The following CDCP2 variants were observed in gnomAD, a reference collection of about 807,000 sequenced individuals.
The protein encoded by CDCP2 is CUB domain containing protein 2.
A neutral mutation model predicts 31.0 loss-of-function variants in CDCP2; 31 were observed. The ratio of observed to expected loss-of-function variants is 1.00; its 90% confidence interval spans 0.75 to 1.35. The LOEUF is 1.35. Among genes scored for constraint, CDCP2 ranks in the 40% most tolerant of loss-of-function variants. The pLI, the probability that CDCP2 is intolerant of heterozygous loss-of-function variation, is 0.00. For synonymous variants in CDCP2, 206 were observed against 207.9 expected, an observed-to-expected ratio of 0.99 and a Z score of 0.08; for missense variants, 443 against 482.6, an observed-to-expected ratio of 0.92 and a Z score of 0.77.
chr1:54,150,985 A>C (rs1659574102), intron 1 of CDCP2, among the ~76,000 whole-genome samples: 1 of 152,192 alleles, frequency 6.6e-6, no homozygotes, highest in Non-Finnish European at 1.5e-5. Flanking sequence ...CAAAACACAC[A>C]GCGTGATTGC....
exon 4 of CDCP2, chr1:54,139,983 T>C (rs1039433184): frequency 1.2e-6 from 2 of 1,614,098 alleles, no homozygotes; most frequent in Non-Finnish European, 1.7e-6. Context: ...GAAGAACACC[T>C]TGACCTGGTA....
intron 1 of CDCP2, among the ~76,000 whole-genome samples, chr1:54,149,945 G>A (rs1659549041): frequency 6.6e-6 from 1 of 152,268 alleles, no homozygotes; most frequent in South Asian, 2.1e-4. Flanking sequence ...ACTTGTTGTA[G>A]TGAACATCTA....
intron 3 of CDCP2, 65 bp from the exon 4 acceptor site, chr1:54,140,171 G>T: frequency 1.3e-6 from 2 of 1,510,240 alleles, no homozygotes; most frequent in Non-Finnish European, 1.8e-6. Context: ...ACTCTCTGCA[G>T]TTACAGCTTA....
At chr1:54,150,564 C>T (rs910141376) in intron 1 of CDCP2, among the ~76,000 whole-genome samples, 7 of 151,816 alleles carry the variant, frequency 4.6e-5, no homozygotes, top group Admixed American at 1.3e-4. Flanking sequence ...CACTGCACTC[C>T]AGCCTGGGTG....
intron 4 of CDCP2, 42 bp downstream of exon 4, chr1:54,139,711 C>T: frequency 6.2e-7 from 1 of 1,614,178 alleles, no homozygotes; most frequent in Non-Finnish European, 8.5e-7. Flanking sequence ...TGCAAAGCCT[C>T]CCCTTCGCCC....
In CDCP2 at chr1:54,150,320, C is replaced by A. The variant is rs377300319; in HGVS notation, c.79+2524G>T. ...TTTTAGAAAATTATTAACGGCCAGGCGTGGTGGTTCAGGCCTGTAATCCCA... is the reference window on the plus strand; with the variant it reads ...TTTTAGAAAATTATTAACGGCCAGGAGTGGTGGTTCAGGCCTGTAATCCCA... On this transcript the variant is annotated intron_variant, in intron 1 of 5. Transcript: ENST00000530059. Among the ~76,000 whole-genome samples, 35 of 152,246 alleles carry A rather than the reference C, an allele frequency of 2.3e-4. No homozygotes were observed. In the South Asian group the frequency reaches 7.0e-3, roughly 31 times the overall value.
chr1:54,149,390 A>T (rs1481757642), intron 1 of CDCP2, among the ~76,000 whole-genome samples: 2 of 151,960 alleles, frequency 1.3e-5, no homozygotes, highest in East Asian at 3.8e-4. Context: ...CACACCTCCC[A>T]GAATGGGGCT....
In CDCP2 at chr1:54,133,747, T is replaced by C. The variant is rs185784328; in HGVS notation, c.1297-453A>G. ...CCATCTCTACTAAAAATACAAAAAA[T>C]TAGCCGGGCGTGATGGTGTGCGCCT... On this transcript the variant is annotated intron_variant, in intron 5 of 5. Transcript: ENST00000530059. Among the ~76,000 whole-genome samples, 118 of 151,826 alleles carry C rather than the reference T, an allele frequency of 7.8e-4. 1 individual carries two copies. The East Asian group carries it at 0.014, about 19-fold the overall frequency.
At chr1:54,141,287 C>T in exon 3 of CDCP2, 6 of 1,614,234 alleles carry the variant, frequency 3.7e-6, no homozygotes, top group Non-Finnish European at 5.1e-6. Context: ...TTGCCCTCCA[C>T]CTGGAAGTCC....
exon 3 of CDCP2, chr1:54,141,245 G>A: frequency 6.2e-7 from 1 of 1,614,126 alleles, no homozygotes. Flanking sequence ...GGCCCCCCAA[G>A]CACAGCCACG....
intron 5 of CDCP2, among the ~76,000 whole-genome samples, chr1:54,133,913 C>CAAAAAAAAAA (rs1553173250): frequency 1.2e-4 from 18 of 144,786 alleles, no homozygotes; most frequent in African/African-American, 4.1e-4. Flanking sequence ...AACAAACAAA[C>CAAAAAAAAAA]AAAAAAAACC....
downstream of CDCP2, chr1:54,132,772 A>G (rs750392943): frequency 7.6e-6 from 3 of 396,382 alleles, no homozygotes; most frequent in Non-Finnish European, 1.3e-5. Context: ...GCTCTTATCC[A>G]TCTCTGCCCG....
intron 3 of CDCP2, 76 bp downstream of exon 3, chr1:54,141,021 AC>A: frequency 2.4e-6 from 3 of 1,238,664 alleles, no homozygotes; most frequent in Non-Finnish European, 3.3e-6. Flanking sequence ...GAAAGGTGTG[AC>A]CCCTGCAAGT....
At chr1:54,144,883 G>T in intron 1 of CDCP2, 70 bp from the exon 2 acceptor site, 1 of 1,217,478 alleles carries the variant, frequency 8.2e-7, no homozygotes, top group East Asian at 2.6e-5. Context: ...AGGGCAGTGG[G>T]CCCAGCTACA....
chr1:54,133,619 G>A (rs1013011777), intron 5 of CDCP2, among the ~76,000 whole-genome samples: 10 of 152,184 alleles, frequency 6.6e-5, no homozygotes, highest in African/African-American at 1.7e-4. Flanking sequence ...CCATGTGGCC[G>A]GGTGCGGTGG....
exon 4 of CDCP2, chr1:54,140,005 G>A (rs758693763): frequency 6.2e-7 from 1 of 1,614,090 alleles, no homozygotes; most frequent in East Asian, 2.2e-5. Context: ...CCCGGGGGCA[G>A]GCGGATGGTC....
intron 1 of CDCP2, among the ~76,000 whole-genome samples, chr1:54,150,556 C>T (rs1659565155): frequency 6.6e-6 from 1 of 151,812 alleles, no homozygotes; most frequent in African/African-American, 2.4e-5. Context: ...GATTGCGCCA[C>T]TGCACTCCAG....
intron 1 of CDCP2, among the ~76,000 whole-genome samples, chr1:54,151,544 G>A (rs1659584084): frequency 6.6e-6 from 1 of 152,136 alleles, no homozygotes; most frequent in South Asian, 2.1e-4. Flanking sequence ...GATGTCCAGG[G>A]TTACCCCAAG....
chr1:54,151,188 C>T (rs1307205245), intron 1 of CDCP2, among the ~76,000 whole-genome samples: 2 of 152,176 alleles, frequency 1.3e-5, no homozygotes, highest in Admixed American at 1.3e-4. Flanking sequence ...GACGCACGTG[C>T]ACTTAGCCTC....
Sources: allele counts gnomAD v4.1 joint callset (sites outside exome capture counted in the v4.1 genomes callset), GRCh38; gene constraint gnomAD v4.1.1; transcripts MANE v1.5; gene names NCBI Gene and HGNC (gene_info 2026-07-23, HGNC 2026-07-21).